Variants in COX14 observed in about 807,000 individuals in gnomAD.
COX14 encodes the protein cytochrome c oxidase assembly protein COX14.
COX14 carries 3 observed loss-of-function variants against 5.8 expected under a neutral mutation model. That is an observed-to-expected ratio of 0.51 (90% CI 0.23 to 1.33). COX14 has a LOEUF of 1.33. Among genes scored for constraint, COX14 ranks in the 40% most tolerant of loss-of-function variants. The pLI, the probability that COX14 is intolerant of heterozygous loss-of-function variation, is 0.18. For synonymous variants in COX14, 25 were observed against 26.1 expected (o/e 0.96, Z 0.13); for missense variants, 72 against 72.1 (o/e 1.00, Z 0.01).
chr12:50,117,020 T>C (rs1346476418), intron 1 of COX14, among the ~76,000 whole-genome samples: 3 of 152,088 alleles, frequency 2.0e-5, no homozygotes, highest in Non-Finnish European at 4.4e-5. Context: ...AATTTTTTTT[T>C]GTTTTTTGAG....
Position 50,120,141 on chromosome 12 carries a change from G to A in COX14, c.98G>A (p.Arg33Gln), listed in dbSNP as rs368516862. 5.4e-5 allele frequency: 87 copies of A among 1,614,128 alleles called. No homozygotes were observed. The highest frequency in any genetic ancestry group is 4.5e-4 in the South Asian group (41 of 91,082). The change falls in exon 2 of 2, where the codon CGA becomes CAA. Residue 33 changes from arginine (R) to glutamine (Q), a missense_variant. Arg to Gln is a conservative substitution (Grantham distance 43). Coordinates refer to ENST00000550487, the MANE Select transcript of COX14 (RefSeq NM_032901.4). ...TVYGGYLCSV[R>Q]VYHYFQWRRA... The stretch of plus-strand genomic sequence containing the variant: ...TATGGGGGGTACCTCTGCAGTGTCC[G>A]AGTCTACCACTATTTCCAGTGGCGC...
intron 1 of COX14, among the ~76,000 whole-genome samples, chr12:50,117,173 C>T (rs1461861746): frequency 6.6e-6 from 1 of 152,056 alleles, no homozygotes. Flanking sequence ...CCATGCGTGG[C>T]TAATTTAAAA....
intron 1 of COX14, among the ~76,000 whole-genome samples, chr12:50,114,783 T>A (rs1462657540): frequency 6.5e-4 from 84 of 129,298 alleles, no homozygotes; most frequent in African/African-American, 2.4e-3. Flanking sequence ...TTTTTTTTTT[T>A]TTTTTTTTTT....
chr12:50,116,803 T>C (rs139964862), intron 1 of COX14, among the ~76,000 whole-genome samples: 1 of 152,292 alleles, frequency 6.6e-6, no homozygotes, highest in African/African-American at 2.4e-5. Flanking sequence ...TTGTGTCACT[T>C]AGTATTCTTC....
chr12:50,113,182 T>C (rs1477844266), intron 1 of COX14, among the ~76,000 whole-genome samples: 1 of 151,688 alleles, frequency 6.6e-6, no homozygotes, highest in Non-Finnish European at 1.5e-5. Flanking sequence ...GCCGATGTAC[T>C]ACTCTCTAAG....
At chr12:50,112,416 C>T (rs2077124802) in intron 1 of COX14, 115 bp downstream of exon 1, 1 of 985,700 alleles carries the variant, frequency 1.0e-6, no homozygotes, top group Non-Finnish European at 1.2e-6. Flanking sequence ...GCCTGGTGCC[C>T]TTGAATTCAC....
rs552378131 is a variant in COX14 at position 50,118,181 on chromosome 12, G to A, written c.-8-1855G>A. Among the ~76,000 whole-genome samples the A allele has an allele frequency of 3.3e-5, 5 of 151,630 alleles. No individual in the cohort carries two copies. In the South Asian group the frequency reaches 1.0e-3, roughly 32 times the overall value. ...CCTGCCTTAGCCTCTCGAGTAGCTG[G>A]GATTACAGGCATGCGCCACCACGCC... On this transcript the variant is annotated intron_variant, in intron 1 of 1. Coordinates refer to ENST00000550487, the MANE Select transcript of COX14 (RefSeq NM_032901.4).
chr12:50,119,958 T>C (rs1415231103), intron 1 of COX14, 78 bp from the exon 2 acceptor site: 10 of 1,143,576 alleles, frequency 8.7e-6, no homozygotes, highest in Non-Finnish European at 1.3e-5. Flanking sequence ...GCAGAAGTTA[T>C]GGAATGGCGT....
intron 1 of COX14, among the ~76,000 whole-genome samples, chr12:50,116,273 A>C (rs982750294): frequency 6.6e-6 from 1 of 151,694 alleles, no homozygotes; most frequent in African/African-American, 2.4e-5. Context: ...TTGTATTTTT[A>C]GTAGAGACAG....
chr12:50,119,665 A>G (rs1440249758), intron 1 of COX14, among the ~76,000 whole-genome samples: 7 of 152,200 alleles, frequency 4.6e-5, no homozygotes. Flanking sequence ...ACTGCACTCC[A>G]GCCTGGGCAA....
intron 1 of COX14, among the ~76,000 whole-genome samples, chr12:50,114,129 AAC>A (rs1386941121): frequency 2.6e-5 from 4 of 151,086 alleles, no homozygotes; most frequent in Non-Finnish European, 5.9e-5. Context: ...ATTCTAGCCT[AAC>A]ACACTGGAAA....
intron 1 of COX14, among the ~76,000 whole-genome samples, chr12:50,118,065 G>A (rs7135322): frequency 0.35 from 50,355 of 143,874 alleles, 8,817 homozygotes; most frequent in South Asian, 0.41. Context: ...TTTTTTTTGA[G>A]ATGGAGTCTC....
chr12:50,117,180 A>T (rs1051453016), intron 1 of COX14, among the ~76,000 whole-genome samples: 1 of 151,702 alleles, frequency 6.6e-6, no homozygotes, highest in Admixed American at 6.6e-5. Context: ...TGGCTAATTT[A>T]AAAAAAAATT....
intron 1 of COX14, among the ~76,000 whole-genome samples, chr12:50,119,682 G>A (rs1438246591): frequency 2.0e-5 from 3 of 152,180 alleles, no homozygotes; most frequent in Non-Finnish European, 4.4e-5. Flanking sequence ...GCAACAGAGT[G>A]AGAACCTGTC....
intron 1 of COX14, 136 bp from the exon 2 acceptor site, chr12:50,119,900 T>A: frequency 1.5e-6 from 1 of 681,024 alleles, no homozygotes. Flanking sequence ...AGACTTTACC[T>A]AGACATAGGG....
intron 1 of COX14, among the ~76,000 whole-genome samples, chr12:50,116,649 G>A (rs1442628070): frequency 6.6e-6 from 1 of 152,176 alleles, no homozygotes; most frequent in Non-Finnish European, 1.5e-5. Flanking sequence ...AAGTGACAGG[G>A]AAGTTGAAGG....
chr12:50,117,316 AG>A lies in COX14; in HGVS notation c.-8-2718del, dbSNP rs1951089237. Among the ~76,000 whole-genome samples the A allele has an allele frequency of 2.0e-5, 3 of 151,890 alleles. No individual in the cohort carries two copies. In the South Asian group the frequency reaches 6.2e-4, roughly 32 times the overall value. On this transcript the variant is annotated intron_variant, in intron 1 of 1. Transcript: ENST00000550487. Reference sequence around the variant, plus strand: ...AAGTGTGAGCCACCATGCCCTGCCTAGGTTCTTGACTTTGTTGTTTGTGTGT... The same window carrying A: ...AAGTGTGAGCCACCATGCCCTGCCTAGTTCTTGACTTTGTTGTTTGTGTGT...
Position 50,120,238 on chromosome 12 carries a change from T to C in COX14, c.*21T>C. On this transcript the variant is annotated 3_prime_UTR_variant, in exon 2 of 2. Transcript: ENST00000550487. ...TGTAGAACTGGGGGGCTTTTTCTCC[T>C]GAGCAGAGAGGCCCAAGGCATGCTG... The C allele has an allele frequency of 6.2e-7, 1 of 1,607,382 alleles. No individual in the cohort carries two copies. The highest frequency in any genetic ancestry group is 1.1e-5 in the South Asian group (1 of 90,714).
intron 1 of COX14, among the ~76,000 whole-genome samples, chr12:50,114,031 T>G (rs1472166228): frequency 2.6e-5 from 4 of 151,808 alleles, no homozygotes; most frequent in Admixed American, 2.6e-4. Flanking sequence ...CCAAACTCGT[T>G]GGCTCAGGCA....
Sources: gnomAD v4.1 joint callset for allele counts (sites outside exome capture counted in the v4.1 genomes callset) on GRCh38, gnomAD v4.1.1 for gene constraint, MANE v1.5 for transcripts, NCBI Gene and HGNC (gene_info 2026-07-23, HGNC 2026-07-21) for gene names.